Variants in DAPK1 observed in about 807,000 individuals in gnomAD.
DAPK1 encodes the protein death associated protein kinase 1.
Under a neutral mutation model 144.9 loss-of-function variants are expected in DAPK1, and 56 were observed. The observed-to-expected ratio is 0.39, with a 90% confidence interval of 0.31 to 0.48. The LOEUF (loss-of-function observed/expected upper bound fraction) is 0.48, where lower values mean the gene tolerates loss of function less well. DAPK1 is among the 20% of genes least tolerant of loss of function. The probability of loss-of-function intolerance (pLI) is 0.95; values close to 1 mark genes in which losing one functional copy is unlikely to be tolerated. For missense variants in DAPK1, 1,454 were observed against 1,875.4 expected (o/e 0.78, Z 4.15); for synonymous variants, 690 against 749.0 (o/e 0.92, Z 1.29).
At chr9:87,522,064 A>G (rs1307726967) in intron 2 of DAPK1, among the ~76,000 whole-genome samples, 1 of 152,232 alleles carries the variant, frequency 6.6e-6, no homozygotes, top group African/African-American at 2.4e-5. Flanking sequence ...TGCCAGCGCC[A>G]TGCTCTTAGA....
chr9:87,520,398 TGTTCAGACAGGGACAG>T, intron 2 of DAPK1, among the ~76,000 whole-genome samples: 1 of 152,174 alleles, frequency 6.6e-6, no homozygotes, highest in South Asian at 2.1e-4. Context: ...AAGTCCTCCC[TGTTCAGACAGGGACAG>T]GCACAGCTGG....
chr9:87,643,347 C>T lies in DAPK1; in HGVS notation c.919-29C>T, dbSNP rs865880357. 397 of 1,002,428 alleles carry T rather than the reference C, an allele frequency of 4.0e-4. No homozygotes were observed. In the African/African-American group the frequency reaches 7.1e-3, roughly 18 times the overall value. 62.1% of individuals were successfully genotyped at this position (1,002,428 alleles called of 1,614,324 possible). On this transcript the variant is annotated intron_variant, in intron 10 of 25. Coordinates refer to ENST00000408954, the MANE Select transcript of DAPK1 (RefSeq NM_004938.4). Reference sequence around the variant, plus strand: ...CCTGCCTTTTTCCTCCCCGCCCTCCCTTTTTTTTTTTTTTTTTTTAAAAAA... The same window carrying T: ...CCTGCCTTTTTCCTCCCCGCCCTCCTTTTTTTTTTTTTTTTTTTTAAAAAA...
chr9:87,511,668 T>TGTGTGTGTGTGTG (rs1554674943), intron 2 of DAPK1, among the ~76,000 whole-genome samples: 2 of 140,638 alleles, frequency 1.4e-5, no homozygotes, highest in Non-Finnish European at 1.5e-5. Flanking sequence ...TCTTTTTCTT[T>TGTGTGTGTGTGTG]TGTGTGTGTG....
chr9:87,595,634 C>T (rs1023572083), intron 2 of DAPK1, among the ~76,000 whole-genome samples: 10 of 152,240 alleles, frequency 6.6e-5, no homozygotes, highest in Admixed American at 6.5e-4. Flanking sequence ...CCCACGCTGG[C>T]CTTGGGTCCT....
At chr9:87,593,523 G>A (rs1180544214) in intron 2 of DAPK1, among the ~76,000 whole-genome samples, 1 of 152,076 alleles carries the variant, frequency 6.6e-6, no homozygotes, top group Non-Finnish European at 1.5e-5. Context: ...TTTTAATCTG[G>A]GCAATTTAGT....
intron 19 of DAPK1, among the ~76,000 whole-genome samples, chr9:87,670,047 G>T (rs11141937): frequency 0.082 from 12,518 of 152,094 alleles, 660 homozygotes; most frequent in South Asian, 0.13. Flanking sequence ...TTACTCACCT[G>T]TTCTTACCAG....
intron 4 of DAPK1, 60 bp from the exon 5 acceptor site, chr9:87,639,294 C>T (rs1466596462): frequency 7.1e-7 from 1 of 1,406,820 alleles, no homozygotes. Flanking sequence ...AACTATTCTG[C>T]CATCTTGTCC....
intron 19 of DAPK1, among the ~76,000 whole-genome samples, chr9:87,678,355 C>G (rs1409811748): frequency 6.6e-6 from 1 of 152,188 alleles, no homozygotes; most frequent in Non-Finnish European, 1.5e-5. Context: ...CATGCATGTG[C>G]TAGGACACAG....
chr9:87,690,214 T>TG (rs1402757833), intron 21 of DAPK1, among the ~76,000 whole-genome samples: 40 of 152,216 alleles, frequency 2.6e-4, no homozygotes, highest in African/African-American at 6.7e-4. Flanking sequence ...GTAGGGGTCT[T>TG]TCACCTCTTT....
rs1326444710 is a variant in DAPK1, at chr9:87,499,129, G to C, written c.52G>C (p.Glu18Gln). 3.7e-6 allele frequency: 6 copies of C among 1,613,968 alleles called. No homozygotes were observed. The highest frequency in any genetic ancestry group is 5.1e-6 in the Non-Finnish European group (6 of 1,179,892). ...GGATGATTACTACGACACCGGCGAG[G>C]AACTTGGCAGGTAAAGGGGGTACCA... ...NVDDYYDTGE[E>Q]LGSGQFAVVK... The change falls in exon 2 of 26, where the codon GAA becomes CAA. Residue 18 changes from glutamate to glutamine, a missense_variant. Coordinates refer to ENST00000408954, the MANE Select transcript of DAPK1 (RefSeq NM_004938.4).
Position 87,650,056 on chromosome 9 carries a change from G to A in DAPK1, c.1564G>A (p.Gly522Ser). 6.2e-7 allele frequency: 1 copy of A among 1,614,042 alleles called. No individual in the cohort carries two copies. Among genetic ancestry groups the A allele is most frequent in the Admixed American group, 1.7e-5 (1 of 60,010 alleles). ...GCCCCTCCTGACAGCCTCTGCCAGG[G>A]GCTACCACGACATCGTGGAGTGTCT... is the stretch of plus-strand genomic sequence containing the variant. ...ETPLLTASAR[G>S]YHDIVECLAE... is the part of the protein sequence containing the mutation. The change falls in exon 16 of 26, where the codon GGC (glycine) becomes AGC (serine). Residue 522 changes from glycine (G) to serine (S), a missense_variant. Coordinates refer to ENST00000408954, the MANE Select transcript of DAPK1 (RefSeq NM_004938.4).
intron 2 of DAPK1, among the ~76,000 whole-genome samples, chr9:87,552,731 A>T (rs541344941): frequency 6.6e-6 from 1 of 150,956 alleles, no homozygotes; most frequent in Admixed American, 6.6e-5. Context: ...AGCTAGGACT[A>T]TAGACATGCC....
chr9:87,666,585 T>C (rs1396035616), intron 18 of DAPK1, among the ~76,000 whole-genome samples: 2 of 151,874 alleles, frequency 1.3e-5, no homozygotes, highest in African/African-American at 2.4e-5. Flanking sequence ...GCGATTCTTA[T>C]GTCTCAGCCT....
chr9:87,685,821 C>T (rs1236925196), intron 20 of DAPK1, among the ~76,000 whole-genome samples: 2 of 152,298 alleles, frequency 1.3e-5, no homozygotes, highest in African/African-American at 4.8e-5. Context: ...TAAATGGGAA[C>T]CCAGTGTCAC....
intron 2 of DAPK1, among the ~76,000 whole-genome samples, chr9:87,521,062 T>TG (rs1190617343): frequency 3.9e-5 from 6 of 152,242 alleles, no homozygotes; most frequent in African/African-American, 1.4e-4. Flanking sequence ...TGTGATCTAC[T>TG]GTTAGACTAT....
At chr9:87,580,724 C>T (rs1342458338) in intron 2 of DAPK1, among the ~76,000 whole-genome samples, 3 of 152,200 alleles carry the variant, frequency 2.0e-5, no homozygotes, top group African/African-American at 7.2e-5. Context: ...GCTCCCATCG[C>T]TTTGGCCTTA....
intron 3 of DAPK1, among the ~76,000 whole-genome samples, chr9:87,611,619 C>G (rs909168508): frequency 2.0e-5 from 3 of 152,152 alleles, no homozygotes; most frequent in Non-Finnish European, 2.9e-5. Flanking sequence ...GCACCACACT[C>G]AGCTATTTTT....
chr9:87,635,555 C>T (rs1475120525), intron 3 of DAPK1, among the ~76,000 whole-genome samples: 2 of 152,026 alleles, frequency 1.3e-5, no homozygotes, highest in South Asian at 2.1e-4. Flanking sequence ...GGAGGAGGAG[C>T]GGGCAGGAAG....
intron 2 of DAPK1, among the ~76,000 whole-genome samples, chr9:87,532,388 A>G (rs1023069010): frequency 4.6e-5 from 7 of 152,216 alleles, no homozygotes; most frequent in African/African-American, 7.2e-5. Context: ...TTGCACAGCA[A>G]TGGCAGAGTT....
Sources: gnomAD v4.1 joint callset for allele counts (sites outside exome capture counted in the v4.1 genomes callset) on GRCh38, gnomAD v4.1.1 for gene constraint, MANE v1.5 for transcripts, NCBI Gene and HGNC (gene_info 2026-07-23, HGNC 2026-07-21) for gene names.